LARP4B: variants seen among roughly 807,000 people sequenced by gnomAD.
The protein encoded by LARP4B is La ribonucleoprotein 4B.
LARP4B carries 12 observed loss-of-function variants against 89.8 expected under a neutral mutation model. That is an observed-to-expected ratio of 0.13 (90% confidence interval 0.09 to 0.22). The LOEUF (loss-of-function observed/expected upper bound fraction) is 0.22, where lower values mean the gene tolerates loss of function less well. Among genes scored for constraint, LARP4B ranks in the 10% least tolerant of loss-of-function variants. The pLI is 1.00. For synonymous variants in LARP4B, 367 were observed against 363.3 expected, an observed-to-expected ratio of 1.01 and a Z score of -0.12; for missense variants, 757 against 947.7, an observed-to-expected ratio of 0.80 and a Z score of 2.64.
rs1465482307 is a variant in LARP4B, at chr10:885,638, C to A, written c.81+3G>T. 4 of 1,613,136 alleles carry A rather than the reference C, an allele frequency of 2.5e-6. No individual in the cohort carries two copies. In the East Asian group the frequency reaches 8.9e-5, roughly 36 times the overall value. ...CCCCACCACCCCATTCGACAGCACC[C>A]ACCAGATGAGCGCTGTCCTTGCCCT... On this transcript the variant is annotated splice_donor_region_variant and intron_variant, in intron 2 of 17. Transcript: ENST00000316157.
At chr10:969,401 G>T in the LARP4B span, among the ~76,000 whole-genome samples, 3 of 152,186 alleles carry the variant, frequency 2.0e-5, no homozygotes, top group Non-Finnish European at 4.4e-5. Flanking sequence ...GAAGAATGTA[G>T]TGGTAGGGTA....
intron 1 of LARP4B, among the ~76,000 whole-genome samples, chr10:913,317 C>A (rs925510345): frequency 6.6e-6 from 1 of 152,168 alleles, no homozygotes; most frequent in African/African-American, 2.4e-5. Flanking sequence ...CATGTCTTTA[C>A]TTTTATGTAT....
intron 1 of LARP4B, among the ~76,000 whole-genome samples, chr10:918,103 A>G (rs944833771): frequency 6.6e-6 from 1 of 152,212 alleles, no homozygotes; most frequent in African/African-American, 2.4e-5. Context: ...AAAAGCATGA[A>G]ATTCAAAGAC....
At chr10:945,069 T>C in the LARP4B span, among the ~76,000 whole-genome samples, 1 of 152,238 alleles carries the variant, frequency 6.6e-6, no homozygotes, top group East Asian at 1.9e-4. Flanking sequence ...TCATATTTTA[T>C]AAATGTATTT....
rs138045700 is a variant in LARP4B, at chr10:814,541, A to C, written c.1929+201T>G. On this transcript the variant is annotated intron_variant, in intron 17 of 17. Coordinates refer to ENST00000316157, the MANE Select transcript of LARP4B (RefSeq NM_015155.3). This position sits in a 1 kb window ranked among gnomAD's most constrained non-coding sequence, Gnocchi z 4.4. ...AATAAAAGGACTACATGGTGGTCTGAGAAAGAACTAGAGTAGTTAGTGGAA... is the reference window on the plus strand; with the variant it reads ...AATAAAAGGACTACATGGTGGTCTGCGAAAGAACTAGAGTAGTTAGTGGAA... The C allele has an allele frequency of 8.4e-7, 1 of 1,195,482 alleles. No homozygotes were observed. The highest frequency in any genetic ancestry group is 1.5e-5 in the African/African-American group (1 of 66,032). 74.1% of individuals were successfully genotyped at this position (1,195,482 alleles called of 1,614,324 possible). A position where few individuals can be genotyped will look rare whatever the true frequency, so the allele number is the denominator to read the frequency against.
rs376793667 is a variant in LARP4B at position 847,541 on chromosome 10, C to T, written c.431-2486G>A. 2.1e-3 allele frequency among the ~76,000 whole-genome samples: 319 copies of T among 149,744 alleles called. 1 individual carries two copies. Among genetic ancestry groups the T allele is most frequent in the African/African-American group, 7.2e-3 (294 of 40,704 alleles). ...ACTTTTTTCTTTTTTTTTTTTGAGA[C>T]GGAGCCTTGCTCTGTCACCCAGACT... On this transcript the variant is annotated intron_variant, in intron 5 of 17. Transcript: ENST00000316157.
At chr10:958,014 C>T in the LARP4B span, among the ~76,000 whole-genome samples, 5 of 152,082 alleles carry the variant, frequency 3.3e-5, no homozygotes, top group Non-Finnish European at 5.9e-5. Context: ...CCAGACTGGT[C>T]TCAAACTCCT....
At chr10:988,297 G>C in the LARP4B span, 1 of 601,680 alleles carries the variant, frequency 1.7e-6, no homozygotes, top group Non-Finnish European at 3.0e-6. Flanking sequence ...CGCCCTCCGT[G>C]GCTGACCTCC....
rs577458518 is a variant in LARP4B at position 921,398 on chromosome 10, T to C, written c.-40+10030A>G. Among the ~76,000 whole-genome samples the C allele has an allele frequency of 4.6e-5, 7 of 152,324 alleles. No homozygotes were observed. The East Asian group carries it at 1.3e-3, about 29-fold the overall frequency. ...AACGATTTTGGGAAAACATCTAGTC[T>C]ACAGTTATTTATGTTGAGCTGTAAC... On this transcript the variant is annotated intron_variant, in intron 1 of 17. Coordinates refer to ENST00000316157, the MANE Select transcript of LARP4B (RefSeq NM_015155.3).
chr10:946,681 G>A, the LARP4B span, among the ~76,000 whole-genome samples: 2 of 152,244 alleles, frequency 1.3e-5, no homozygotes, highest in East Asian at 1.9e-4. Context: ...TCCATTTGTT[G>A]AATGAAATAC....
At position 822,190 on chromosome 10, in the gene LARP4B, C is replaced by A. The variant is rs745878687; in HGVS notation, c.1485-1345G>T. Among the ~76,000 whole-genome samples the A allele has an allele frequency of 6.6e-6, 1 of 152,218 alleles. No homozygotes were observed. The highest frequency in any genetic ancestry group is 6.5e-5 in the Admixed American group (1 of 15,278). ...TGACCCATGAGCAGAGCTAGGGATG[C>A]AACCAGATGAGAGTCTTCAGTGGGA... On this transcript the variant is annotated intron_variant, in intron 13 of 17. Transcript: ENST00000316157. The surrounding 1 kb of genome is among the most constrained non-coding windows in gnomAD (Gnocchi z 4.6).
At chr10:974,511 T>C in the LARP4B span, among the ~76,000 whole-genome samples, 1 of 152,110 alleles carries the variant, frequency 6.6e-6, no homozygotes, top group Non-Finnish European at 1.5e-5. Flanking sequence ...TATCTATAAA[T>C]TGGGAATGTG....
chr10:829,481 G>A lies in LARP4B; in HGVS notation c.1029C>T (p.Phe343=), dbSNP rs754483505. 1 of 1,614,174 alleles carries A rather than the reference G, an allele frequency of 6.2e-7. No homozygotes were observed. The highest frequency in any genetic ancestry group is 1.1e-5 in the South Asian group (1 of 91,080). ...GCTGCTGGGGGCTGTACATGGGAGG[G>A]AAGTAGAACGACGTCGCGTAGCGCT... ...AQQRYATSFY[F]PPMYSPQQQF... The change falls in exon 11 of 18, where the codon TTC becomes TTT. Residue 343 remains phenylalanine (F), a synonymous_variant. Transcript: ENST00000316157.
intron 1 of LARP4B, among the ~76,000 whole-genome samples, chr10:929,015 AT>A (rs1285903209): frequency 1.3e-5 from 2 of 152,234 alleles, no homozygotes; most frequent in Non-Finnish European, 2.9e-5. Context: ...ACTTTTAAAA[AT>A]GGCAATCTTC....
At chr10:968,833 A>G in the LARP4B span, among the ~76,000 whole-genome samples, 1 of 152,250 alleles carries the variant, frequency 6.6e-6, no homozygotes, top group African/African-American at 2.4e-5. Context: ...ATCCTGGGGA[A>G]AGGGCTAGAA....
At chr10:874,002 T>G (rs1388044082) in intron 3 of LARP4B, among the ~76,000 whole-genome samples, 1 of 152,098 alleles carries the variant, frequency 6.6e-6, no homozygotes, top group Non-Finnish European at 1.5e-5. Context: ...GAGGCCGAGG[T>G]GGGTGGATCA....
the LARP4B span, among the ~76,000 whole-genome samples, chr10:937,750 A>G: frequency 2.0e-5 from 3 of 152,256 alleles, no homozygotes; most frequent in African/African-American, 7.2e-5. Flanking sequence ...TGAACACTTC[A>G]GGAAGTTTTC....
At chr10:891,068 T>C (rs1038530888) in intron 1 of LARP4B, among the ~76,000 whole-genome samples, 4 of 152,162 alleles carry the variant, frequency 2.6e-5, no homozygotes, top group South Asian at 2.1e-4. Context: ...ATTTAATACC[T>C]GTATTTTTTT....
At chr10:928,765 A>G (rs1281559643) in intron 1 of LARP4B, among the ~76,000 whole-genome samples, 1 of 152,096 alleles carries the variant, frequency 6.6e-6, no homozygotes, top group Admixed American at 6.6e-5. Flanking sequence ...ATTTTTTGGT[A>G]GAGATGAGGT....
Sources: allele counts gnomAD v4.1 joint callset (sites outside exome capture counted in the v4.1 genomes callset), GRCh38; gene constraint gnomAD v4.1.1; non-coding constraint Gnocchi (gnomAD v3.1); transcripts MANE v1.5; gene names NCBI Gene and HGNC (gene_info 2026-07-23, HGNC 2026-07-21).